Variants in ABTB3 observed in about 807,000 individuals in gnomAD.
The protein encoded by ABTB3 is ankyrin repeat and BTB domain containing 3, also known as ankyrin repeat- and BTB/POZ domain-containing protein 3.
At chr12:107,448,049 T>C in the ABTB3 span, among the ~76,000 whole-genome samples, 1 of 151,860 alleles carries the variant, frequency 6.6e-6, no homozygotes, top group African/African-American at 2.4e-5. Context: ...TAAGTGAATG[T>C]CAGAGCAACC....
the ABTB3 span, among the ~76,000 whole-genome samples, chr12:107,441,252 C>T: frequency 1.8e-3 from 267 of 152,246 alleles, 1 homozygote; most frequent in African/African-American, 6.2e-3. Flanking sequence ...AAATGAGGTA[C>T]ATATACACCA....
At chr12:107,428,016 C>T in the ABTB3 span, among the ~76,000 whole-genome samples, 2 of 152,288 alleles carry the variant, frequency 1.3e-5, no homozygotes, top group South Asian at 2.1e-4. Context: ...TTGTTTCCAC[C>T]TCATCTCCTC....
At chr12:107,583,646 GC>G in the ABTB3 span, among the ~76,000 whole-genome samples, 6 of 152,122 alleles carry the variant, frequency 3.9e-5, 1 homozygote, top group East Asian at 1.9e-4. Flanking sequence ...CCATCTCTGC[GC>G]CCCCCCTCCT....
At chr12:107,403,177 T>A in the ABTB3 span, among the ~76,000 whole-genome samples, 1 of 152,212 alleles carries the variant, frequency 6.6e-6, no homozygotes, top group Non-Finnish European at 1.5e-5. Flanking sequence ...CCTGGCTCCC[T>A]GTGAAGTGGG....
chr12:107,396,220 G>A, the ABTB3 span, among the ~76,000 whole-genome samples: 1 of 152,144 alleles, frequency 6.6e-6, no homozygotes, highest in Non-Finnish European at 1.5e-5. Flanking sequence ...TACTCCCATG[G>A]TGGTTGTACT....
the ABTB3 span, among the ~76,000 whole-genome samples, chr12:107,604,220 A>T: frequency 6.6e-6 from 1 of 152,144 alleles, no homozygotes; most frequent in Non-Finnish European, 1.5e-5. Flanking sequence ...AGGCCGAAGC[A>T]GGCAGGTCAC....
chr12:107,425,705 C>A, the ABTB3 span, among the ~76,000 whole-genome samples: 1 of 152,216 alleles, frequency 6.6e-6, no homozygotes, highest in Non-Finnish European at 1.5e-5. Flanking sequence ...TATCAGATCA[C>A]TCCCAGAACT....
At chr12:107,402,590 T>C in the ABTB3 span, among the ~76,000 whole-genome samples, 1 of 152,168 alleles carries the variant, frequency 6.6e-6, no homozygotes, top group African/African-American at 2.4e-5. Context: ...TTTGCTCTTA[T>C]TCAGTCTTGC....
At chr12:107,559,963 A>G in the ABTB3 span, among the ~76,000 whole-genome samples, 5 of 152,218 alleles carry the variant, frequency 3.3e-5, no homozygotes, top group Non-Finnish European at 5.9e-5. Flanking sequence ...ACCCTGAGGT[A>G]GCCAAAATCA....
the ABTB3 span, among the ~76,000 whole-genome samples, chr12:107,529,235 A>G: frequency 2.2e-4 from 28 of 124,458 alleles, no homozygotes; most frequent in Admixed American, 6.4e-4. Flanking sequence ...TGATGGTGAT[A>G]ATGATGGAGA....
the ABTB3 span, among the ~76,000 whole-genome samples, chr12:107,493,213 G>A: frequency 6.6e-6 from 1 of 152,156 alleles, no homozygotes; most frequent in Non-Finnish European, 1.5e-5. Context: ...AGGGAAGCAT[G>A]GGCAAGAAAA....
the ABTB3 span, among the ~76,000 whole-genome samples, chr12:107,646,339 C>T: frequency 1.3e-4 from 20 of 152,206 alleles, no homozygotes; most frequent in Admixed American, 1.2e-3. Context: ...TAAGGAGCAG[C>T]GTTTCAAGTC....
chr12:107,455,653 A>G, the ABTB3 span, among the ~76,000 whole-genome samples: 3 of 152,192 alleles, frequency 2.0e-5, no homozygotes, highest in African/African-American at 7.2e-5. Context: ...TCCAGGGGAT[A>G]GCTCTATGGT....
chr12:107,469,113 A>G, the ABTB3 span, among the ~76,000 whole-genome samples: 21 of 152,258 alleles, frequency 1.4e-4, no homozygotes, highest in Non-Finnish European at 2.5e-4. Flanking sequence ...GATTCCAAAC[A>G]CAGACCCCGG....
At chr12:107,521,826 C>A in the ABTB3 span, among the ~76,000 whole-genome samples, 1 of 151,930 alleles carries the variant, frequency 6.6e-6, no homozygotes, top group Non-Finnish European at 1.5e-5. Context: ...ATGGCTCACT[C>A]CCTCACTACC....
the ABTB3 span, among the ~76,000 whole-genome samples, chr12:107,339,485 C>T: frequency 3.9e-5 from 6 of 152,072 alleles, no homozygotes; most frequent in African/African-American, 1.4e-4. Context: ...GCTCACAGGG[C>T]CTCTGTTATG....
chr12:107,320,780 C>T, the ABTB3 span: 5 of 429,334 alleles, frequency 1.2e-5, 1 homozygote, highest in South Asian at 8.4e-5. Flanking sequence ...TTGGCCTCTC[C>T]ATTCCCTCTG....
chr12:107,596,637 C>A, the ABTB3 span, among the ~76,000 whole-genome samples: 1 of 152,106 alleles, frequency 6.6e-6, no homozygotes, highest in East Asian at 1.9e-4. Flanking sequence ...ACAACAACAA[C>A]CAAAAAATAG....
At chr12:107,573,697 C>G in the ABTB3 span, among the ~76,000 whole-genome samples, 24 of 152,342 alleles carry the variant, frequency 1.6e-4, no homozygotes, top group South Asian at 3.9e-3. Context: ...GATAGGTCAG[C>G]AGGCTGGAGA....
Sources: gnomAD v4.1 joint callset for allele counts (sites outside exome capture counted in the v4.1 genomes callset) on GRCh38, gnomAD v4.1.1 for gene constraint, MANE v1.5 for transcripts, NCBI Gene and HGNC (gene_info 2026-07-23, HGNC 2026-07-21) for gene names.